CC2D1A: variants seen among roughly 807,000 people sequenced by gnomAD.
CC2D1A encodes the protein coiled-coil and C2 domain containing 1A.
Under a neutral mutation model 123.8 loss-of-function variants are expected in CC2D1A, and 68 were observed. The observed-to-expected ratio is 0.55, with a 90% confidence interval of 0.45 to 0.67. The LOEUF is 0.67. Ranked by LOEUF, CC2D1A falls within the 30% of genes least tolerant of loss-of-function variation. CC2D1A has a pLI of 0.00. For synonymous variants in CC2D1A, 477 were observed against 528.0 expected (o/e 0.90, Z 1.32); for missense variants, 1,185 against 1,290.3 (o/e 0.92, Z 1.25).
intron 6 of CC2D1A, among the ~76,000 whole-genome samples, chr19:13,916,036 A>G (rs1367114597): frequency 2.6e-5 from 4 of 151,918 alleles, no homozygotes; most frequent in African/African-American, 4.8e-5. Context: ...CGGGCGGATC[A>G]CTTGAGGCCA....
chr19:13,919,774 C>G, intron 11 of CC2D1A, 44 bp from the exon 12 acceptor site: 1 of 1,546,454 alleles, frequency 6.5e-7, no homozygotes, highest in Non-Finnish European at 8.8e-7. Context: ...GTGAGTTGGT[C>G]TCCATCCTGA....
intron 1 of CC2D1A, among the ~76,000 whole-genome samples, chr19:13,909,392 C>CA (rs1449237407): frequency 6.6e-6 from 1 of 151,316 alleles, no homozygotes; most frequent in Admixed American, 6.6e-5. Context: ...AAACAAAAAA[C>CA]AAAAAACTTT....
Position 13,927,087 on chromosome 19 carries a change from A to T in CC2D1A, c.2225+10A>T, listed in dbSNP as rs553593683. The T allele has an allele frequency of 6.2e-7, 1 of 1,613,724 alleles. No homozygotes were observed. Among genetic ancestry groups the T allele is most frequent in the Admixed American group, 1.7e-5 (1 of 60,018 alleles). On this transcript the variant is annotated intron_variant, in intron 21 of 28. Transcript: ENST00000318003. ...AAGTGGTTCACAAGGGGTGAGCTAG[A>T]GAGAGCCATGGCCGCTGGGTGGGCT...
At chr19:13,912,875 A>AC (rs1202474537) in intron 4 of CC2D1A, among the ~76,000 whole-genome samples, 2 of 152,110 alleles carry the variant, frequency 1.3e-5, no homozygotes, top group African/African-American at 4.8e-5. Context: ...GCTGGTCCTG[A>AC]CCTCAAGTGA....
intron 1 of CC2D1A, among the ~76,000 whole-genome samples, chr19:13,907,689 T>A (rs1970819970): frequency 6.6e-6 from 1 of 150,894 alleles, no homozygotes; most frequent in Admixed American, 6.6e-5. Context: ...ATAAATAAAT[T>A]CCTTCTGAAA....
intron 17 of CC2D1A, among the ~76,000 whole-genome samples, chr19:13,925,933 A>AAAAAAAAAAAAAAATAT (rs1315518981): frequency 1.1e-5 from 1 of 91,052 alleles, no homozygotes; most frequent in African/African-American, 6.8e-5. Flanking sequence ...AAAAAAAAAA[A>AAAAAAAAAAAAAAATAT]ATATATATAT....
chr19:13,925,982 A>ACG (rs1343865215), intron 17 of CC2D1A, among the ~76,000 whole-genome samples: 8 of 134,500 alleles, frequency 5.9e-5, no homozygotes, highest in African/African-American at 2.5e-4. Flanking sequence ...ATGTGTATAT[A>ACG]TATATACATA....
At chr19:13,916,196 G>A (rs924253780) in intron 6 of CC2D1A, among the ~76,000 whole-genome samples, 5 of 152,132 alleles carry the variant, frequency 3.3e-5, no homozygotes, top group Admixed American at 6.6e-5. Flanking sequence ...GGCAGGGGTT[G>A]CAGTGAGCCA....
At position 13,906,251 on chromosome 19, in the gene CC2D1A, G is replaced by T. The variant is rs1970720949; in HGVS notation, c.-191G>T. 4.4e-6 allele frequency: 2 copies of T among 456,334 alleles called. No homozygotes were observed. The highest frequency in any genetic ancestry group is 7.6e-6 in the Non-Finnish European group (2 of 261,576). 28.3% of individuals were successfully genotyped at this position (456,334 alleles called of 1,614,324 possible). ...GAGCCCAGTGGCCGCGCTCCGGTGC[G>T]GCGGCGCCCGAGGCCCGAGGCGGAA... On this transcript the variant is annotated 5_prime_UTR_variant, in exon 1 of 29. Coordinates refer to ENST00000318003, the MANE Select transcript of CC2D1A (RefSeq NM_017721.5). The surrounding 1 kb of genome is among the most constrained non-coding windows in gnomAD (Gnocchi z 4.1).
intron 2 of CC2D1A, among the ~76,000 whole-genome samples, chr19:13,911,128 A>G (rs936808130): frequency 2.0e-5 from 3 of 151,650 alleles, no homozygotes; most frequent in African/African-American, 7.3e-5. Context: ...CGGGAGGCTG[A>G]GGCAGGAAGA....
Position 13,918,801 on chromosome 19 carries a change from G to A in CC2D1A, c.1002G>A (p.Thr334=), listed in dbSNP as rs372082075. Residue 334 remains threonine (T), a synonymous_variant, in exon 9 of 29, where the codon ACG becomes ACA. Coordinates refer to ENST00000318003, the MANE Select transcript of CC2D1A (RefSeq NM_017721.5). The part of the protein sequence containing the change: ...SPPSQPPTPA[T]APSTTEVPPP... The stretch of plus-strand genomic sequence containing the variant: ...CGTCGCAGCCTCCGACCCCCGCTAC[G>A]GCGCCCTCCACAACAGGTAGGTTCT... 5 of 1,613,338 alleles carry A rather than the reference G, an allele frequency of 3.1e-6. No individual in the cohort carries two copies. The highest frequency in any genetic ancestry group is 1.3e-5 in the African/African-American group (1 of 74,888).
rs756938849 is a variant in CC2D1A at position 13,926,793 on chromosome 19, A to G, written c.2074-28A>G. ...GCCAAAGCCAGGTCCCAGGCCCCCT[A>G]GATTTCCTGCCTCCTCTCTGGTCAT... On this transcript the variant is annotated intron_variant, in intron 19 of 28. Transcript: ENST00000318003. 1.9e-6 allele frequency: 3 copies of G among 1,614,022 alleles called. No individual in the cohort carries two copies. The Admixed American group carries it at 5.0e-5, about 27-fold the overall frequency.
chr19:13,929,493 G>A (rs2145380627), intron 25 of CC2D1A, 41 bp from the exon 26 acceptor site: 1 of 1,612,632 alleles, frequency 6.2e-7, no homozygotes, highest in Admixed American at 1.7e-5. Context: ...GGAGTCTGCA[G>A]GCCCAGGCAG....
At chr19:13,928,611 G>C (rs1971740473) in intron 24 of CC2D1A, among the ~76,000 whole-genome samples, 1 of 151,738 alleles carries the variant, frequency 6.6e-6, no homozygotes, top group Non-Finnish European at 1.5e-5. Flanking sequence ...ATAGTTTCCT[G>C]GGTGTGCAGC....
At position 13,923,855 on chromosome 19, in the gene CC2D1A, C is replaced by G. The variant is rs28607962; in HGVS notation, c.1940+44C>G. ...GCCCCACCACGTGGCCCCAGTGGCC[C>G]TTTGGTGGCGGTGGGGCGGGTTGTG... On this transcript the variant is annotated intron_variant, in intron 17 of 28. Coordinates refer to ENST00000318003, the MANE Select transcript of CC2D1A (RefSeq NM_017721.5). This position sits in a 1 kb window ranked among gnomAD's most constrained non-coding sequence, Gnocchi z 5.3. 4.9e-4 allele frequency: 717 copies of G among 1,459,418 alleles called. 3 individuals are homozygous for G. The African/African-American group carries it at 9.0e-3, about 18-fold the overall frequency. 90.4% of individuals were successfully genotyped at this position (1,459,418 alleles called of 1,614,324 possible).
chr19:13,920,433 G>C, intron 12 of CC2D1A, 124 bp from the exon 13 acceptor site: 1 of 693,440 alleles, frequency 1.4e-6, no homozygotes, highest in Non-Finnish European at 2.6e-6. Context: ...GTGAGGCAGG[G>C]GAGTAGCAAA....
At chr19:13,921,280 G>A (rs1971403871) in intron 14 of CC2D1A, among the ~76,000 whole-genome samples, 1 of 152,164 alleles carries the variant, frequency 6.6e-6, no homozygotes, top group Admixed American at 6.6e-5. Context: ...CATCACTATT[G>A]CTTGTCTCCC....
chr19:13,924,053 C>T (rs1200160474), intron 17 of CC2D1A, among the ~76,000 whole-genome samples: 1 of 152,192 alleles, frequency 6.6e-6, no homozygotes, highest in Non-Finnish European at 1.5e-5. Context: ...TGTATCTTGT[C>T]CCAGGGCCTG....
intron 6 of CC2D1A, among the ~76,000 whole-genome samples, chr19:13,915,434 C>T (rs540071994): frequency 2.0e-5 from 3 of 152,224 alleles, no homozygotes; most frequent in South Asian, 2.1e-4. Flanking sequence ...TTAGTAGAGA[C>T]GGGGTTTCAC....
Sources: gnomAD v4.1 joint callset for allele counts (sites outside exome capture counted in the v4.1 genomes callset) on GRCh38, gnomAD v4.1.1 for gene constraint, Gnocchi (gnomAD v3.1) non-coding constraint, MANE v1.5 for transcripts, NCBI Gene and HGNC (gene_info 2026-07-23, HGNC 2026-07-21) for gene names.